CCNF: variants seen among roughly 807,000 people sequenced by gnomAD.
CCNF encodes the protein cyclin F.
A neutral mutation model predicts 85.4 loss-of-function variants in CCNF; 30 were observed. That is an observed-to-expected ratio of 0.35 (90% confidence interval 0.26 to 0.48). The LOEUF is 0.48. CCNF is among the 20% of genes least tolerant of loss of function. The probability of loss-of-function intolerance (pLI) is 0.99; values close to 1 mark genes in which losing one functional copy is unlikely to be tolerated. For missense variants in CCNF, 919 were observed against 1,010.4 expected, an observed-to-expected ratio of 0.91 and a Z score of 1.23; for synonymous variants, 439 against 425.1, an observed-to-expected ratio of 1.03 and a Z score of -0.40.
chr16:2,441,968 TATATATATATA>T lies in CCNF; in HGVS notation c.778-1680_778-1670del, dbSNP rs1567385700. Among the ~76,000 whole-genome samples, 190 of 134,774 alleles carry T rather than the reference TATATATATATA, an allele frequency of 1.4e-3. 1 individual carries two copies. Among genetic ancestry groups the T allele is most frequent in the African/African-American group, 4.7e-3 (168 of 35,808 alleles). 88.4% of individuals were successfully genotyped at this position (134,774 alleles called of 152,430 possible). On this transcript the variant is annotated intron_variant, in intron 8 of 16. Transcript: ENST00000397066. ...ATATATATATATATATATATATATA[TATATATATATA>T]TATGTTTTTGTTTTTGTTTTGTTTT...
rs1480572921 is a variant in CCNF at position 2,451,415 on chromosome 16, G to C, written c.1487+1500G>C. On this transcript the variant is annotated intron_variant, in intron 13 of 16. Coordinates refer to ENST00000397066, the MANE Select transcript of CCNF (RefSeq NM_001761.3). The surrounding 1 kb of genome is among the most constrained non-coding windows in gnomAD (Gnocchi z 4.3). ...CAAGCACGGGGCTGAATTTGTACCC[G>C]GCCAGCCATCTCCGTCTCCCCTCCT... Among the ~76,000 whole-genome samples, 1 of 152,024 alleles carries C rather than the reference G, an allele frequency of 6.6e-6. No individual in the cohort carries two copies. Among genetic ancestry groups the C allele is most frequent in the Admixed American group, 6.6e-5 (1 of 15,262 alleles).
chr16:2,429,468 A>G lies in CCNF; in HGVS notation c.-14A>G. 3.3e-6 allele frequency: 4 copies of G among 1,226,136 alleles called. No individual in the cohort carries two copies. Among genetic ancestry groups the G allele is most frequent in the Non-Finnish European group, 4.1e-6 (4 of 984,924 alleles). 76.0% of individuals were successfully genotyped at this position (1,226,136 alleles called of 1,614,324 possible). A position where few individuals can be genotyped will look rare whatever the true frequency, so the allele number is the denominator to read the frequency against. ...TCTCAGGCGGGCTCCGGCGGCAGCGACGCGAGCGCGGCGATGGGGAGCGGC... is the reference window on the plus strand; with the variant it reads ...TCTCAGGCGGGCTCCGGCGGCAGCGGCGCGAGCGCGGCGATGGGGAGCGGC... On this transcript the variant is annotated 5_prime_UTR_variant, in exon 1 of 17. Transcript: ENST00000397066.
At chr16:2,430,842 C>CT (rs767687539) in intron 1 of CCNF, among the ~76,000 whole-genome samples, 1 of 152,186 alleles carries the variant, frequency 6.6e-6, no homozygotes, top group Admixed American at 6.5e-5. Flanking sequence ...CATGTGGGCT[C>CT]TGGATCAGAA....
At chr16:2,454,520 C>A (rs1304099413) in intron 15 of CCNF, among the ~76,000 whole-genome samples, 1 of 152,228 alleles carries the variant, frequency 6.6e-6, no homozygotes, top group East Asian at 1.9e-4. Flanking sequence ...CTGAGACAGA[C>A]CCCCACGGGT....
In CCNF at chr16:2,457,155, A is replaced by G; in HGVS notation, c.*135A>G. ...GCAGAGAGGATGACTTGCGGCCACC[A>G]AGTTTCTGTCTCCGCGGGAGTCCCG... On this transcript the variant is annotated 3_prime_UTR_variant, in exon 17 of 17. Coordinates refer to ENST00000397066, the MANE Select transcript of CCNF (RefSeq NM_001761.3). 3.1e-6 allele frequency: 2 copies of G among 649,170 alleles called. No homozygotes were observed. Among genetic ancestry groups the G allele is most frequent in the Non-Finnish European group, 5.2e-6 (2 of 387,466 alleles). 40.2% of individuals were successfully genotyped at this position (649,170 alleles called of 1,614,324 possible).
chr16:2,444,170 T>C lies in CCNF; in HGVS notation c.929+370T>C, dbSNP rs375260823. ...TCCTGACCTCGTGATCCGCCCGCTT[T>C]GGCCTCCCAAAGTGCTGGGATTACA... On this transcript the variant is annotated intron_variant, in intron 9 of 16. Transcript: ENST00000397066. Among the ~76,000 whole-genome samples the C allele has an allele frequency of 7.3e-5, 11 of 151,366 alleles. No homozygotes were observed. In the South Asian group the frequency reaches 1.0e-3, roughly 14 times the overall value.
At position 2,456,974 on chromosome 16, in the gene CCNF, T is replaced by C. The variant is rs762663630; in HGVS notation, c.2315T>C (p.Ile772Thr). 3.5e-5 allele frequency: 56 copies of C among 1,608,458 alleles called. No individual in the cohort carries two copies. In the South Asian group the frequency reaches 6.2e-4, roughly 18 times the overall value. ...QQQVKRINLC[I>T]HSEEEDMNLG... ...CAGGTGAAGCGGATAAACCTATGCA[T>C]ACACAGTGAGGAGGAGGACATGAAC... The change falls in exon 17 of 17, where the codon ATA becomes ACA. Residue 772 changes from isoleucine to threonine, a missense_variant. This residue lies in a region of CCNF where 505 missense variants were observed against 514.8 expected (regional missense o/e 0.98). Coordinates refer to ENST00000397066, the MANE Select transcript of CCNF (RefSeq NM_001761.3). The surrounding 1 kb of genome is among the most constrained non-coding windows in gnomAD (Gnocchi z 4.5).
chr16:2,438,828 C>G (rs2065305803), intron 6 of CCNF, among the ~76,000 whole-genome samples: 1 of 151,376 alleles, frequency 6.6e-6, no homozygotes, highest in South Asian at 2.1e-4. Flanking sequence ...GAAACCACGT[C>G]TTTACTAAAA....
Position 2,452,187 on chromosome 16 carries a change from C to T in CCNF, c.1488-1023C>T, listed in dbSNP as rs758870842. ...CGTCACCCAGGGCCTCGCTGTCCGGCTTCCAGGATGAGATCAGAACTCCCT... is the reference window on the plus strand; with the variant it reads ...CGTCACCCAGGGCCTCGCTGTCCGGTTTCCAGGATGAGATCAGAACTCCCT... On this transcript the variant is annotated intron_variant, in intron 13 of 16. Coordinates refer to ENST00000397066, the MANE Select transcript of CCNF (RefSeq NM_001761.3). This position sits in a 1 kb window ranked among gnomAD's most constrained non-coding sequence, Gnocchi z 4.1. Among the ~76,000 whole-genome samples the T allele has an allele frequency of 7.2e-5, 11 of 152,252 alleles. No individual in the cohort carries two copies. Among genetic ancestry groups the T allele is most frequent in the Non-Finnish European group, 1.5e-4 (10 of 68,050 alleles).
chr16:2,449,889 C>T lies in CCNF; in HGVS notation c.1461C>T (p.Pro487=), dbSNP rs755122360. 24 of 1,609,800 alleles carry T rather than the reference C, an allele frequency of 1.5e-5. No individual in the cohort carries two copies. The Admixed American group carries it at 1.5e-4, about 10-fold the overall frequency. The part of the protein sequence containing the change: ...LTGFSYEDLI[P]CVLSLHKKCF... ...GATTCTCCTATGAAGACCTCATTCCCTGCGTCTTGAGCCTCCATAAGAAGT... is the reference window on the plus strand; with the variant it reads ...GATTCTCCTATGAAGACCTCATTCCTTGCGTCTTGAGCCTCCATAAGAAGT... Residue 487 remains proline, a synonymous_variant, in exon 13 of 17, where the codon CCC becomes CCT. Coordinates refer to ENST00000397066, the MANE Select transcript of CCNF (RefSeq NM_001761.3).
At chr16:2,450,672 A>G (rs2065389910) in intron 13 of CCNF, among the ~76,000 whole-genome samples, 1 of 152,308 alleles carries the variant, frequency 6.6e-6, no homozygotes, top group East Asian at 1.9e-4. Flanking sequence ...TCAAGTTGTC[A>G]TCTAGCTCAG....
chr16:2,441,003 G>A (rs2065318135), intron 8 of CCNF, among the ~76,000 whole-genome samples: 1 of 152,184 alleles, frequency 6.6e-6, no homozygotes, highest in African/African-American at 2.4e-5. Context: ...GGAGGCTGAG[G>A]CGGGCGGATC....
intron 13 of CCNF, among the ~76,000 whole-genome samples, chr16:2,450,134 G>A (rs2065386286): frequency 6.6e-6 from 1 of 151,764 alleles, no homozygotes; most frequent in East Asian, 1.9e-4. Context: ...TTGAACCCAG[G>A]AAGCAGAGGT....
intron 8 of CCNF, 31 bp from the exon 9 acceptor site, chr16:2,443,618 C>T (rs376294554): frequency 6.2e-7 from 1 of 1,606,438 alleles, no homozygotes; most frequent in East Asian, 2.2e-5. Context: ...TGGCTGCTGT[C>T]TCACGCTCAT....
At chr16:2,432,888 C>A in intron 2 of CCNF, 73 bp from the exon 3 acceptor site, 3 of 868,522 alleles carry the variant, frequency 3.5e-6, no homozygotes, top group East Asian at 2.6e-5. Context: ...GCCTCTCGTC[C>A]TCAAGAGCCT....
intron 3 of CCNF, 52 bp from the exon 4 acceptor site, chr16:2,435,754 A>C: frequency 2.9e-6 from 4 of 1,366,786 alleles, no homozygotes; most frequent in Non-Finnish European, 4.2e-6. Context: ...GTAGTAGTTC[A>C]TAACGTTTGT....
intron 2 of CCNF, among the ~76,000 whole-genome samples, 187 bp from the exon 3 acceptor site, chr16:2,432,774 C>T (rs945209807): frequency 1.3e-5 from 2 of 152,180 alleles, no homozygotes; most frequent in Admixed American, 6.5e-5. Context: ...CAGAGAAACT[C>T]GTTTCTGGGC....
chr16:2,452,888 G>A lies in CCNF; in HGVS notation c.1488-322G>A. 2 of 358,894 alleles carry A rather than the reference G, an allele frequency of 5.6e-6. No individual in the cohort carries two copies. The highest frequency in any genetic ancestry group is 2.1e-5 in the African/African-American group (1 of 48,390). 22.2% of individuals were successfully genotyped at this position (358,894 alleles called of 1,614,324 possible). A position where few individuals can be genotyped will look rare whatever the true frequency, so the allele number is the denominator to read the frequency against. On this transcript the variant is annotated intron_variant, in intron 13 of 16. Coordinates refer to ENST00000397066, the MANE Select transcript of CCNF (RefSeq NM_001761.3). This position sits in a 1 kb window ranked among gnomAD's most constrained non-coding sequence, Gnocchi z 4.1. The stretch of plus-strand genomic sequence containing the variant: ...TGTCCCTGCTTTGTTCTTTTTCATG[G>A]CTGAATAATATTCCCCTGCATGGAC...
Position 2,453,009 on chromosome 16 carries a change from G to A in CCNF, c.1488-201G>A, listed in dbSNP as rs142961190. ...TAGTACAGGTTTCTGTGTGGACATAGTTTTTCCTTTTTCCTGGGTCTTTAC... is the reference window on the plus strand; with the variant it reads ...TAGTACAGGTTTCTGTGTGGACATAATTTTTCCTTTTTCCTGGGTCTTTAC... On this transcript the variant is annotated intron_variant, in intron 13 of 16. Transcript: ENST00000397066. The surrounding 1 kb of genome is among the most constrained non-coding windows in gnomAD (Gnocchi z 5.6). The A allele has an allele frequency of 1.7e-5, 10 of 602,718 alleles. No individual in the cohort carries two copies. The East Asian group carries it at 2.8e-4, about 17-fold the overall frequency. 37.3% of individuals were successfully genotyped at this position (602,718 alleles called of 1,614,324 possible). A position where few individuals can be genotyped will look rare whatever the true frequency, so the allele number is the denominator to read the frequency against.
Sources: allele counts gnomAD v4.1 joint callset (sites outside exome capture counted in the v4.1 genomes callset), GRCh38; gene constraint gnomAD v4.1.1; regional missense constraint gnomAD v4.1.1; non-coding constraint Gnocchi (gnomAD v3.1); transcripts MANE v1.5; gene names NCBI Gene and HGNC (gene_info 2026-07-23, HGNC 2026-07-21).